The following LDLRAD4 variants were observed in gnomAD, a reference collection of about 807,000 sequenced individuals.
The protein encoded by LDLRAD4 is low density lipoprotein receptor class A domain containing 4, also known as low-density lipoprotein receptor class A domain-containing protein 4.
Under a neutral mutation model 17.0 loss-of-function variants are expected in LDLRAD4, and 5 were observed. The observed-to-expected ratio is 0.29, with a 90% CI of 0.15 to 0.62. The LOEUF (loss-of-function observed/expected upper bound fraction) is 0.62. Ranked by LOEUF, LDLRAD4 falls within the 20% of genes least tolerant of loss-of-function variation. LDLRAD4 has a pLI of 0.84. For missense variants in LDLRAD4, 340 were observed against 424.7 expected (o/e 0.80, Z 1.75); for synonymous variants, 168 against 171.8 (o/e 0.98, Z 0.17).
chr18:13,545,281 A>AG (rs1240224305), intron 3 of LDLRAD4, among the ~76,000 whole-genome samples: 1 of 152,180 alleles, frequency 6.6e-6, no homozygotes, highest in Non-Finnish European at 1.5e-5. Context: ...GCGCACGTTC[A>AG]GGGCAGACGC....
intron 1 of LDLRAD4, among the ~76,000 whole-genome samples, chr18:13,230,000 C>T (rs2145485963): frequency 6.6e-6 from 1 of 152,328 alleles, no homozygotes; most frequent in Middle Eastern, 3.4e-3. Flanking sequence ...CCAGAAACTC[C>T]TCAATTGAAA....
At chr18:13,341,256 A>G (rs2082359583) in intron 1 of LDLRAD4, among the ~76,000 whole-genome samples, 1 of 151,386 alleles carries the variant, frequency 6.6e-6, no homozygotes, top group Non-Finnish European at 1.5e-5. Context: ...GGATTTTTCT[A>G]TTTTGCAAAA....
At chr18:13,618,595 T>C (rs2040301047) in intron 3 of LDLRAD4, among the ~76,000 whole-genome samples, 1 of 152,242 alleles carries the variant, frequency 6.6e-6, no homozygotes, top group Non-Finnish European at 1.5e-5. Context: ...GACTTTGTGC[T>C]GATCCTTCCC....
chr18:13,312,788 G>A (rs1343857345), intron 1 of LDLRAD4, among the ~76,000 whole-genome samples: 1 of 151,992 alleles, frequency 6.6e-6, no homozygotes, highest in Non-Finnish European at 1.5e-5. Context: ...TGAGTTCAAG[G>A]TTAAATATAA....
chr18:13,286,968 G>A (rs1041357403), intron 1 of LDLRAD4, among the ~76,000 whole-genome samples: 3 of 152,194 alleles, frequency 2.0e-5, no homozygotes, highest in Admixed American at 1.3e-4. Context: ...TGGTCTGAGC[G>A]GAGACAGCAG....
chr18:13,282,474 C>T (rs1352760081), intron 1 of LDLRAD4, among the ~76,000 whole-genome samples: 9 of 152,080 alleles, frequency 5.9e-5, no homozygotes, highest in Non-Finnish European at 2.9e-5. Flanking sequence ...AGAAATTGGC[C>T]AAAACAAAGG....
At chr18:13,456,952 G>A (rs1490400770) in intron 3 of LDLRAD4, among the ~76,000 whole-genome samples, 1 of 152,210 alleles carries the variant, frequency 6.6e-6, no homozygotes, top group African/African-American at 2.4e-5. Flanking sequence ...ATTTCTGTCT[G>A]CCTGGGGAAA....
At chr18:13,405,223 A>T (rs1489988309) in intron 2 of LDLRAD4, among the ~76,000 whole-genome samples, 1 of 152,100 alleles carries the variant, frequency 6.6e-6, no homozygotes, top group Non-Finnish European at 1.5e-5. Context: ...GCATCTCTTT[A>T]GTCTCCACAG....
At chr18:13,281,304 A>C (rs2146267379) in intron 1 of LDLRAD4, among the ~76,000 whole-genome samples, 1 of 152,232 alleles carries the variant, frequency 6.6e-6, no homozygotes, top group East Asian at 1.9e-4. Context: ...CGGGAGGATC[A>C]CTTGAGCCTG....
At chr18:13,616,284 G>C (rs1238380252) in intron 3 of LDLRAD4, 2 of 151,806 alleles carry the variant, frequency 1.3e-5, no homozygotes, top group Admixed American at 1.3e-4. Context: ...ACCCCCTCGT[G>C]AGCTTGAAAG....
intron 3 of LDLRAD4, among the ~76,000 whole-genome samples, chr18:13,539,578 C>T (rs1489604954): frequency 6.6e-6 from 1 of 152,120 alleles, no homozygotes; most frequent in Non-Finnish European, 1.5e-5. Flanking sequence ...TATCTGACTC[C>T]ATGCACCTAT....
At chr18:13,510,800 G>A (rs1226234807) in intron 3 of LDLRAD4, among the ~76,000 whole-genome samples, 1 of 152,164 alleles carries the variant, frequency 6.6e-6, no homozygotes, top group Non-Finnish European at 1.5e-5. Context: ...CTGTCTCCAC[G>A]GCAGAGTATG....
upstream of LDLRAD4, chr18:13,218,700 G>A (rs2041279901): frequency 6.6e-6 from 1 of 152,238 alleles, no homozygotes; most frequent in East Asian, 1.9e-4. Context: ...GTCCCCCCGC[G>A]CGCGTTGACG....
At chr18:13,337,548 T>C (rs2082160291) in intron 1 of LDLRAD4, among the ~76,000 whole-genome samples, 1 of 152,134 alleles carries the variant, frequency 6.6e-6, no homozygotes, top group African/African-American at 2.4e-5. Flanking sequence ...TTCACAAAGG[T>C]TAAGCAACTT....
At chr18:13,590,356 T>G (rs2095004186) in intron 3 of LDLRAD4, among the ~76,000 whole-genome samples, 1 of 151,854 alleles carries the variant, frequency 6.6e-6, no homozygotes, top group Admixed American at 6.6e-5. Flanking sequence ...TGTGTGCGTG[T>G]GCGTGTATGT....
rs1157718015 is a variant in LDLRAD4, at chr18:13,610,265, A to ATTTTTTTTTTTTTTTTTTTTTTT, written c.182-10834_182-10812dup. 4.8e-5 allele frequency among the ~76,000 whole-genome samples: 3 copies of ATTTTTTTTTTTTTTTTTTTTTTT among 62,480 alleles called. 1 individual carries two copies. The highest frequency in any genetic ancestry group is 1.0e-4 in the Non-Finnish European group (3 of 29,694). 41.0% of individuals were successfully genotyped at this position (62,480 alleles called of 152,430 possible). A position where few individuals can be genotyped will look rare whatever the true frequency, so the allele number is the denominator to read the frequency against. ...TTCCATGAAGTTCACCAAAGCCCTA[A>ATTTTTTTTTTTTTTTTTTTTTTT]TTTTTTTTTTTTTTTTTTTTTTTTT... On this transcript the variant is annotated intron_variant, in intron 3 of 5. Coordinates refer to ENST00000359446, the Ensembl canonical transcript of LDLRAD4.
chr18:13,318,621 G>T (rs2081056301), intron 1 of LDLRAD4, among the ~76,000 whole-genome samples: 1 of 152,204 alleles, frequency 6.6e-6, no homozygotes, highest in African/African-American at 2.4e-5. Flanking sequence ...CTCCTTCTGA[G>T]TTTAAAATGG....
At chr18:13,275,693 A>G (rs1000711088), upstream of LDLRAD4, among the ~76,000 whole-genome samples, 4 of 152,218 alleles carry the variant, frequency 2.6e-5, no homozygotes, top group Non-Finnish European at 5.9e-5. Context: ...TACTTATTTC[A>G]TATTATATGC....
At chr18:13,422,705 A>C (rs898753799) in intron 2 of LDLRAD4, among the ~76,000 whole-genome samples, 2 of 152,336 alleles carry the variant, frequency 1.3e-5, no homozygotes, top group Admixed American at 1.3e-4. Flanking sequence ...CTCAAAAAAC[A>C]AAACCAAACC....
Sources: gnomAD v4.1 joint callset for allele counts (sites outside exome capture counted in the v4.1 genomes callset) on GRCh38, gnomAD v4.1.1 for gene constraint, MANE v1.5 for transcripts, NCBI Gene and HGNC (gene_info 2026-07-23, HGNC 2026-07-21) for gene names.